GRM5: variants seen among roughly 807,000 people sequenced by gnomAD.
GRM5 encodes the protein metabotropic glutamate receptor 5.
GRM5 carries 19 observed loss-of-function variants against 83.1 expected under a neutral mutation model. The ratio of observed to expected loss-of-function variants is 0.23; its 90% CI spans 0.16 to 0.34. GRM5 has a LOEUF of 0.34. GRM5 is among the 10% of genes least tolerant of loss of function. The pLI, the probability that GRM5 is intolerant of heterozygous loss-of-function variation, is 1.00. For synonymous variants in GRM5, 675 were observed against 633.6 expected, an observed-to-expected ratio of 1.07 and a Z score of -0.98; for missense variants, 1,160 against 1,588.3, an observed-to-expected ratio of 0.73 and a Z score of 4.58.
chr11:88,627,294 C>G (rs954389824), intron 4 of GRM5, among the ~76,000 whole-genome samples: 1 of 152,174 alleles, frequency 6.6e-6, no homozygotes, highest in African/African-American at 2.4e-5. Flanking sequence ...CATAAACCCA[C>G]CACTCACAAA....
chr11:88,919,427 G>A (rs1290159653), intron 2 of GRM5, among the ~76,000 whole-genome samples: 3 of 150,792 alleles, frequency 2.0e-5, no homozygotes, highest in South Asian at 2.1e-4. Flanking sequence ...TAAAGAGAGT[G>A]ATAGATCCCA....
At chr11:88,736,502 C>T (rs1226447283) in intron 3 of GRM5, among the ~76,000 whole-genome samples, 4 of 152,008 alleles carry the variant, frequency 2.6e-5, no homozygotes, top group African/African-American at 9.7e-5. Context: ...TTGGAGCCCA[C>T]CTTTACTAAA....
chr11:88,925,016 A>T (rs535402067), intron 2 of GRM5, among the ~76,000 whole-genome samples: 1 of 152,202 alleles, frequency 6.6e-6, no homozygotes, highest in African/African-American at 2.4e-5. Context: ...TACTTCAGCT[A>T]GGAAAAAACC....
intron 9 of GRM5, among the ~76,000 whole-genome samples, chr11:88,512,867 G>A (rs1259736480): frequency 6.6e-6 from 1 of 152,158 alleles, no homozygotes; most frequent in Non-Finnish European, 1.5e-5. Context: ...CCTGGTTTAA[G>A]GAACAGAGAA....
intron 2 of GRM5, among the ~76,000 whole-genome samples, chr11:88,936,039 A>G (rs1937881553): frequency 6.6e-6 from 1 of 151,848 alleles, no homozygotes; most frequent in Admixed American, 6.6e-5. Context: ...TCATTTTTCT[A>G]ATTATTAATA....
intron 3 of GRM5, among the ~76,000 whole-genome samples, chr11:88,817,935 A>C (rs973583310): frequency 1.3e-5 from 2 of 152,082 alleles, no homozygotes; most frequent in African/African-American, 4.8e-5. Context: ...TGCTTCCCTA[A>C]GTCTGTTTCT....
chr11:89,034,918 A>T (rs1351837052), intron 2 of GRM5, among the ~76,000 whole-genome samples: 1 of 150,438 alleles, frequency 6.6e-6, no homozygotes, highest in Non-Finnish European at 1.5e-5. Context: ...ATATAAATAC[A>T]AAGTCGTATA....
chr11:88,940,737 C>T lies in GRM5; in HGVS notation c.662-90582G>A, dbSNP rs143987322. On this transcript the variant is annotated intron_variant, in intron 2 of 9. Transcript: ENST00000305447. Reference sequence around the variant, plus strand: ...ATTGAACTTTGATTAGTTGATTTCCCGATAATAGTCTTGGTGATGCAATTC... The same window carrying T: ...ATTGAACTTTGATTAGTTGATTTCCTGATAATAGTCTTGGTGATGCAATTC... Among the ~76,000 whole-genome samples the T allele has an allele frequency of 5.3e-3, 803 of 151,252 alleles. 2 individuals carry two copies. The highest frequency in any genetic ancestry group is 0.017 in the African/African-American group (721 of 41,242).
chr11:88,954,547 C>A (rs777136647), intron 2 of GRM5, among the ~76,000 whole-genome samples: 12 of 152,300 alleles, frequency 7.9e-5, no homozygotes, highest in Non-Finnish European at 1.6e-4. Flanking sequence ...CTCAATAGAA[C>A]TTTCTGCAGT....
chr11:88,643,339 A>T (rs1302653420), intron 4 of GRM5, among the ~76,000 whole-genome samples: 1 of 152,142 alleles, frequency 6.6e-6, no homozygotes, highest in Non-Finnish European at 1.5e-5. Context: ...ATGGTGCTAA[A>T]CTGTTCATTA....
intron 9 of GRM5, among the ~76,000 whole-genome samples, chr11:88,523,209 T>G (rs542228833): frequency 3.3e-5 from 5 of 152,296 alleles, no homozygotes; most frequent in Admixed American, 2.0e-4. Context: ...GTTCATGCAC[T>G]GGCTTCTTTG....
At chr11:88,745,732 A>G (rs771100926) in intron 3 of GRM5, among the ~76,000 whole-genome samples, 1 of 152,190 alleles carries the variant, frequency 6.6e-6, no homozygotes, top group Non-Finnish European at 1.5e-5. Flanking sequence ...TTGTTGGCAG[A>G]GAAAATGTCA....
chr11:88,700,379 G>T (rs1170393803), intron 3 of GRM5, among the ~76,000 whole-genome samples: 2 of 152,046 alleles, frequency 1.3e-5, no homozygotes, highest in African/African-American at 4.8e-5. Flanking sequence ...GTGATACATG[G>T]ATCTGAAAGC....
At chr11:88,861,925 A>G (rs1337294482) in intron 2 of GRM5, among the ~76,000 whole-genome samples, 4 of 152,192 alleles carry the variant, frequency 2.6e-5, no homozygotes, top group Non-Finnish European at 2.9e-5. Context: ...AAAGGGGTTA[A>G]TTACCCTCTT....
At chr11:88,815,046 A>G (rs1943651269) in intron 3 of GRM5, among the ~76,000 whole-genome samples, 1 of 152,220 alleles carries the variant, frequency 6.6e-6, no homozygotes, top group Non-Finnish European at 1.5e-5. Flanking sequence ...ATAAGAATAT[A>G]GTAGACTTGA....
chr11:88,881,254 G>A (rs1944948507), intron 2 of GRM5, among the ~76,000 whole-genome samples: 1 of 151,616 alleles, frequency 6.6e-6, no homozygotes, highest in South Asian at 2.1e-4. Context: ...GACTTTAAAA[G>A]TTTGAGACTG....
chr11:88,658,533 G>A (rs1157441997), intron 3 of GRM5, among the ~76,000 whole-genome samples: 1 of 152,114 alleles, frequency 6.6e-6, no homozygotes, highest in Admixed American at 6.6e-5. Context: ...CTCTGCTCCA[G>A]CAGTTCACAA....
At chr11:88,772,109 TTG>T (rs1419643078) in intron 3 of GRM5, among the ~76,000 whole-genome samples, 2 of 152,196 alleles carry the variant, frequency 1.3e-5, no homozygotes, top group Admixed American at 6.5e-5. Flanking sequence ...ACATTTTGTT[TTG>T]TTTTACTTAC....
intron 3 of GRM5, among the ~76,000 whole-genome samples, chr11:88,684,985 G>C (rs1254499668): frequency 6.6e-6 from 1 of 152,318 alleles, no homozygotes; most frequent in South Asian, 2.1e-4. Context: ...GGTACCAAGA[G>C]TGGGATGTTA....
Sources: allele counts gnomAD v4.1 joint callset (sites outside exome capture counted in the v4.1 genomes callset), GRCh38; gene constraint gnomAD v4.1.1; transcripts MANE v1.5; gene names NCBI Gene and HGNC (gene_info 2026-07-23, HGNC 2026-07-21).